The following PRDM16 variants were observed in gnomAD, a reference collection of about 807,000 sequenced individuals.
The protein encoded by PRDM16 is histone-lysine N-methyltransferase PRDM16.
Under a neutral mutation model 110.6 loss-of-function variants are expected in PRDM16, and 23 were observed. The ratio of observed to expected loss-of-function variants is 0.21; its 90% CI spans 0.15 to 0.29. PRDM16 has a LOEUF of 0.29. Ranked by LOEUF, PRDM16 falls within the 10% of genes least tolerant of loss-of-function variation. The pLI, the probability that PRDM16 is intolerant of heterozygous loss-of-function variation, is 1.00. For synonymous variants in PRDM16, 799 were observed against 781.8 expected (o/e 1.02, Z -0.37); for missense variants, 1,615 against 1,794.3 (o/e 0.90, Z 1.81).
intron 3 of PRDM16, among the ~76,000 whole-genome samples, chr1:3,338,601 G>C (rs973529981): frequency 6.6e-6 from 1 of 152,144 alleles, no homozygotes; most frequent in Non-Finnish European, 1.5e-5. Context: ...CTTGGCCTCT[G>C]GGTGCTCAGC....
chr1:3,193,977 C>T (rs563168615), intron 2 of PRDM16, among the ~76,000 whole-genome samples: 5 of 152,306 alleles, frequency 3.3e-5, no homozygotes, highest in African/African-American at 7.2e-5. Flanking sequence ...GACCCAAAGT[C>T]CTGGCACACC....
At chr1:3,135,548 C>A (rs1643420017) in intron 1 of PRDM16, among the ~76,000 whole-genome samples, 1 of 152,140 alleles carries the variant, frequency 6.6e-6, no homozygotes, top group Non-Finnish European at 1.5e-5. Flanking sequence ...TATGTCCCAG[C>A]CCGACCGAGC....
chr1:3,215,408 G>A (rs909523620), intron 2 of PRDM16, among the ~76,000 whole-genome samples: 3 of 151,652 alleles, frequency 2.0e-5, no homozygotes, highest in Non-Finnish European at 4.4e-5. Flanking sequence ...CATGGGTCCC[G>A]GGGACAGGCA....
Position 3,190,379 on chromosome 1 carries a change from G to T in PRDM16, c.387+3905G>T, listed in dbSNP as rs1638271194. ...TGAGTTTCCTCCGGCCTCAGTTGCT[G>T]GTCGGAAGCCTGCATTCCTTCTACG... On this transcript the variant is annotated intron_variant, in intron 2 of 16. Coordinates refer to ENST00000270722, the MANE Select transcript of PRDM16 (RefSeq NM_022114.4). The surrounding 1 kb of genome is among the most constrained non-coding windows in gnomAD (Gnocchi z 5.0). Among the ~76,000 whole-genome samples the T allele has an allele frequency of 6.6e-6, 1 of 152,224 alleles. No homozygotes were observed.
intron 3 of PRDM16, among the ~76,000 whole-genome samples, chr1:3,364,758 G>C (rs368002577): frequency 6.6e-6 from 1 of 152,360 alleles, no homozygotes; most frequent in South Asian, 2.1e-4. Flanking sequence ...TTTCATGGCC[G>C]GGCCAGGAGG....
chr1:3,312,373 G>A (rs1263767993), intron 3 of PRDM16, among the ~76,000 whole-genome samples: 2 of 152,212 alleles, frequency 1.3e-5, no homozygotes, highest in African/African-American at 4.8e-5. Flanking sequence ...CACTGGGACA[G>A]GCACGGGTGT....
At chr1:3,189,619 C>T (rs1199918799) in intron 2 of PRDM16, among the ~76,000 whole-genome samples, 1 of 152,220 alleles carries the variant, frequency 6.6e-6, no homozygotes, top group East Asian at 1.9e-4. Flanking sequence ...TATTTATTTA[C>T]TGAAAAAGAA....
chr1:3,291,101 G>A (rs1640964032), intron 3 of PRDM16, among the ~76,000 whole-genome samples: 2 of 152,058 alleles, frequency 1.3e-5, no homozygotes, highest in African/African-American at 4.8e-5. Context: ...GGAGACACGA[G>A]TAGCAGTTTC....
At chr1:3,095,165 G>A (rs1308257032) in intron 1 of PRDM16, among the ~76,000 whole-genome samples, 1 of 152,192 alleles carries the variant, frequency 6.6e-6, no homozygotes, top group Non-Finnish European at 1.5e-5. Context: ...AGCTCAGTGC[G>A]TGAAAAGCCA....
intron 4 of PRDM16, among the ~76,000 whole-genome samples, chr1:3,394,076 G>A (rs1479906144): frequency 6.6e-6 from 1 of 152,098 alleles, no homozygotes; most frequent in Non-Finnish European, 1.5e-5. Flanking sequence ...CCTCGGAGCC[G>A]GGGTGGGGTC....
At chr1:3,169,264 G>A (rs769121107) in intron 1 of PRDM16, among the ~76,000 whole-genome samples, 1 of 152,152 alleles carries the variant, frequency 6.6e-6, no homozygotes, top group Non-Finnish European at 1.5e-5. Context: ...TCATAAAAAT[G>A]TGATTCCTAA....
chr1:3,357,549 A>ATGCCGTGTGCACGCAAAGACGGCAGCC (rs1557630803), intron 3 of PRDM16, among the ~76,000 whole-genome samples: 1 of 151,720 alleles, frequency 6.6e-6, no homozygotes, highest in African/African-American at 2.4e-5. Flanking sequence ...TTGATCCAGG[A>ATGCCGTGTGCACGCAAAGACGGCAGCC]AGCGCCGTTC....
At chr1:3,072,848 C>A (rs1226173130) in intron 1 of PRDM16, among the ~76,000 whole-genome samples, 1 of 152,260 alleles carries the variant, frequency 6.6e-6, no homozygotes. Flanking sequence ...GGGCTTGGTG[C>A]CCCACGGCAG....
At chr1:3,141,920 G>A (rs942917165) in intron 1 of PRDM16, among the ~76,000 whole-genome samples, 4 of 152,246 alleles carry the variant, frequency 2.6e-5, no homozygotes, top group African/African-American at 9.6e-5. Context: ...CACGGTAGGG[G>A]ATTTTTACCT....
chr1:3,356,273 C>G (rs577358445), intron 3 of PRDM16, among the ~76,000 whole-genome samples: 1 of 152,192 alleles, frequency 6.6e-6, no homozygotes, highest in African/African-American at 2.4e-5. Context: ...CCCCCCAGCC[C>G]CCCTGCGCCA....
At chr1:3,077,861 GAGAACC>G (rs1240414960) in intron 1 of PRDM16, among the ~76,000 whole-genome samples, 3 of 152,220 alleles carry the variant, frequency 2.0e-5, no homozygotes, top group East Asian at 3.9e-4. Flanking sequence ...CCTGCAGCAG[GAGAACC>G]ACTTTGACCC....
chr1:3,153,985 C>G (rs1569705008), intron 1 of PRDM16, among the ~76,000 whole-genome samples: 1 of 152,216 alleles, frequency 6.6e-6, no homozygotes, highest in East Asian at 1.9e-4. Flanking sequence ...GCCACAGCTT[C>G]TGAAGCAATT....
intron 3 of PRDM16, among the ~76,000 whole-genome samples, chr1:3,316,531 C>T (rs1012180231): frequency 2.0e-5 from 3 of 152,208 alleles, no homozygotes; most frequent in African/African-American, 7.2e-5. Flanking sequence ...AAGACAGGAC[C>T]TGTGTAGCCA....
At chr1:3,429,624 C>T (rs1270543539) in intron 14 of PRDM16, among the ~76,000 whole-genome samples, 1 of 152,218 alleles carries the variant, frequency 6.6e-6, no homozygotes, top group African/African-American at 2.4e-5. Flanking sequence ...GGGTGAGAAC[C>T]AGGACCCGGA....
Sources: allele counts gnomAD v4.1 joint callset (sites outside exome capture counted in the v4.1 genomes callset), GRCh38; gene constraint gnomAD v4.1.1; non-coding constraint Gnocchi (gnomAD v3.1); transcripts MANE v1.5; gene names NCBI Gene and HGNC (gene_info 2026-07-23, HGNC 2026-07-21).